The following ERBB4 variants were observed in gnomAD, a reference collection of about 807,000 sequenced individuals.
ERBB4 encodes the protein erb-b2 receptor tyrosine kinase 4.
In ERBB4, 42 loss-of-function variants were observed where a neutral mutation model predicts 158.0. The ratio of observed to expected loss-of-function variants is 0.27; its 90% CI spans 0.21 to 0.34. The LOEUF is 0.34. Among genes scored for constraint, ERBB4 ranks in the 10% least tolerant of loss-of-function variants. The pLI is 1.00. For synonymous variants in ERBB4, 583 were observed against 558.7 expected (o/e 1.04, Z -0.61); for missense variants, 1,333 against 1,624.1 (o/e 0.82, Z 3.08).
At chr2:211,699,902 G>C (rs1171027266) in intron 12 of ERBB4, among the ~76,000 whole-genome samples, 1 of 151,900 alleles carries the variant, frequency 6.6e-6, no homozygotes, top group African/African-American at 2.4e-5. Context: ...TTCCCATCTT[G>C]CTTCCCTACA....
intron 9 of ERBB4, among the ~76,000 whole-genome samples, chr2:211,706,306 T>G (rs1034226059): frequency 6.6e-6 from 1 of 152,168 alleles, no homozygotes. Context: ...TACCAGTCTC[T>G]GAGAACATTC....
intron 1 of ERBB4, among the ~76,000 whole-genome samples, chr2:212,187,101 G>T (rs1430875387): frequency 6.6e-6 from 1 of 152,050 alleles, no homozygotes; most frequent in African/African-American, 2.4e-5. Context: ...GAGTTTACTT[G>T]ACTCTACTGT....
chr2:211,439,731 CA>C (rs1182380995), intron 20 of ERBB4, among the ~76,000 whole-genome samples: 14 of 152,182 alleles, frequency 9.2e-5, no homozygotes, highest in African/African-American at 3.4e-4. Context: ...TGTCAGTTTC[CA>C]TATACAAAGG....
At chr2:211,716,508 C>G (rs1300391361) in intron 7 of ERBB4, among the ~76,000 whole-genome samples, 1 of 151,484 alleles carries the variant, frequency 6.6e-6, no homozygotes, top group African/African-American at 2.4e-5. Context: ...AACCCCGTCT[C>G]TACTAAAAAT....
At chr2:211,920,451 G>A (rs991409844) in intron 3 of ERBB4, among the ~76,000 whole-genome samples, 1 of 151,860 alleles carries the variant, frequency 6.6e-6, no homozygotes, top group Non-Finnish European at 1.5e-5. Context: ...CTGAAAGGTG[G>A]TACTTTTACT....
Position 212,197,261 on chromosome 2 carries a change from T to C in ERBB4, c.83-72358A>G, listed in dbSNP as rs557138117. On this transcript the variant is annotated intron_variant, in intron 1 of 27. Transcript: ENST00000342788. ...CTTAATTATTATACAATAAAACTTA[T>C]GAAGATTCGCAATAAGTGGGAACAA... is the stretch of plus-strand genomic sequence containing the variant. 6.8e-4 allele frequency among the ~76,000 whole-genome samples: 104 copies of C among 152,350 alleles called. 4 individuals are homozygous for C. In the South Asian group the frequency reaches 0.021, roughly 31 times the overall value.
chr2:212,118,679 G>A (rs1468488755), intron 2 of ERBB4, among the ~76,000 whole-genome samples: 1 of 151,624 alleles, frequency 6.6e-6, no homozygotes, highest in Non-Finnish European at 1.5e-5. Context: ...TTCTCTGGTA[G>A]AGAAAAATAA....
intron 1 of ERBB4, among the ~76,000 whole-genome samples, chr2:212,328,974 A>T (rs1283677101): frequency 6.6e-6 from 1 of 152,026 alleles, no homozygotes; most frequent in Non-Finnish European, 1.5e-5. Context: ...CTTTTGCCCC[A>T]AATAAGAAAA....
At chr2:212,053,849 T>C (rs2077474301) in intron 2 of ERBB4, among the ~76,000 whole-genome samples, 1 of 152,224 alleles carries the variant, frequency 6.6e-6, no homozygotes, top group Non-Finnish European at 1.5e-5. Context: ...GTTTTTATGA[T>C]GCCAACTTAG....
At chr2:211,925,528 C>A (rs1236730059) in intron 3 of ERBB4, among the ~76,000 whole-genome samples, 1 of 151,284 alleles carries the variant, frequency 6.6e-6, no homozygotes, top group Non-Finnish European at 1.5e-5. Flanking sequence ...ATTACAGGCA[C>A]CCGCCACACC....
chr2:212,226,708 C>T (rs532187165), intron 1 of ERBB4, among the ~76,000 whole-genome samples: 38 of 152,088 alleles, frequency 2.5e-4, no homozygotes, highest in Non-Finnish European at 4.6e-4. Context: ...CATAAAGTTG[C>T]TTTTTTTAAT....
At chr2:212,135,711 C>A (rs1225521411) in intron 1 of ERBB4, among the ~76,000 whole-genome samples, 1 of 152,184 alleles carries the variant, frequency 6.6e-6, no homozygotes, top group Non-Finnish European at 1.5e-5. Flanking sequence ...TCTCTGCCTG[C>A]CCTCTTTATC....
At chr2:212,295,612 C>A (rs143786863) in intron 1 of ERBB4, among the ~76,000 whole-genome samples, 1,738 of 152,138 alleles carry the variant, frequency 0.011, 27 homozygotes, top group African/African-American at 0.039. Context: ...TAAACCTGAG[C>A]TCAAATTCCT....
At chr2:211,716,538 T>C (rs1485203622) in intron 7 of ERBB4, among the ~76,000 whole-genome samples, 2 of 150,810 alleles carry the variant, frequency 1.3e-5, no homozygotes, top group East Asian at 2.0e-4. Flanking sequence ...TAGCCGGGCC[T>C]GGTGGCGGGC....
At chr2:211,699,976 CAT>C (rs2073171698) in intron 12 of ERBB4, among the ~76,000 whole-genome samples, 2 of 152,008 alleles carry the variant, frequency 1.3e-5, no homozygotes, top group Admixed American at 1.3e-4. Context: ...AGATATATGA[CAT>C]ATGAATTTTT....
chr2:211,500,593 G>A (rs1256340622), intron 20 of ERBB4, among the ~76,000 whole-genome samples: 1 of 152,056 alleles, frequency 6.6e-6, no homozygotes. Flanking sequence ...GAATTATGGA[G>A]CCCATGCTTT....
At chr2:211,726,368 C>T (rs547137430) in intron 5 of ERBB4, among the ~76,000 whole-genome samples, 1 of 152,216 alleles carries the variant, frequency 6.6e-6, no homozygotes, top group African/African-American at 2.4e-5. Flanking sequence ...CTACAGCATG[C>T]ATTTCTAGCT....
chr2:212,472,822 A>C (rs116743671), intron 1 of ERBB4, among the ~76,000 whole-genome samples: 1,811 of 152,068 alleles, frequency 0.012, 37 homozygotes, highest in African/African-American at 0.041. Context: ...TCTGTGGTCC[A>C]TACTTTCAGT....
At position 211,403,362 on chromosome 2, in the gene ERBB4, C is replaced by A. The variant is rs143419057; in HGVS notation, c.3136-15370G>T. 2.0e-5 allele frequency among the ~76,000 whole-genome samples: 3 copies of A among 152,204 alleles called. No individual in the cohort carries two copies. The East Asian group carries it at 5.8e-4, about 29-fold the overall frequency. On this transcript the variant is annotated intron_variant, in intron 25 of 27. Coordinates refer to ENST00000342788, the MANE Select transcript of ERBB4 (RefSeq NM_005235.3). ...CTAGCTCTTCAAAATTCATTCAAGC[C>A]CTTCTTCTTTTGAAGACTCATGCTA...
Sources: gnomAD v4.1 joint callset for allele counts (sites outside exome capture counted in the v4.1 genomes callset) on GRCh38, gnomAD v4.1.1 for gene constraint, MANE v1.5 for transcripts, NCBI Gene and HGNC (gene_info 2026-07-23, HGNC 2026-07-21) for gene names.